The following LGSN variants were observed in gnomAD, a reference collection of about 807,000 sequenced individuals.
The protein encoded by LGSN is lengsin.
In LGSN, 21 loss-of-function variants were observed where a neutral mutation model predicts 19.5. The observed-to-expected ratio is 1.07, with a 90% CI of 0.76 to 1.55. The LOEUF (loss-of-function observed/expected upper bound fraction) is 1.55. LGSN is among the 40% of genes most tolerant of loss of function. The pLI, the probability that LGSN is intolerant of heterozygous loss-of-function variation, is 0.00. For synonymous variants in LGSN, 257 were observed against 215.6 expected, an observed-to-expected ratio of 1.19 and a Z score of -1.68; for missense variants, 673 against 608.5, an observed-to-expected ratio of 1.11 and a Z score of -1.12.
chr6:63,458,000 A>G, the LGSN span, among the ~76,000 whole-genome samples: 1 of 152,130 alleles, frequency 6.6e-6, no homozygotes, highest in Non-Finnish European at 1.5e-5. Flanking sequence ...TAGTAGCACA[A>G]GGTCAAGCTA....
At chr6:63,387,818 C>G in the LGSN span, among the ~76,000 whole-genome samples, 1 of 152,104 alleles carries the variant, frequency 6.6e-6, no homozygotes, top group Admixed American at 6.5e-5. Flanking sequence ...TCCTGAGTAG[C>G]TAGATCTACA....
At chr6:63,450,079 G>T in the LGSN span, among the ~76,000 whole-genome samples, 5 of 151,794 alleles carry the variant, frequency 3.3e-5, no homozygotes, top group African/African-American at 1.2e-4. Context: ...AGGCATGGTG[G>T]CTCACGCCTG....
the LGSN span, among the ~76,000 whole-genome samples, chr6:63,484,417 A>G: frequency 6.6e-6 from 1 of 152,114 alleles, no homozygotes; most frequent in Non-Finnish European, 1.5e-5. Context: ...CCAGCTACTC[A>G]GGAGACTGAG....
the LGSN span, among the ~76,000 whole-genome samples, chr6:63,367,956 G>C: frequency 2.6e-5 from 4 of 151,854 alleles, no homozygotes; most frequent in Admixed American, 2.6e-4. Context: ...TGGGGGAAGG[G>C]GGGAGGGATA....
the LGSN span, among the ~76,000 whole-genome samples, chr6:63,497,344 T>A: frequency 6.6e-6 from 1 of 151,754 alleles, no homozygotes; most frequent in Non-Finnish European, 1.5e-5. Flanking sequence ...AGGCCAGGAG[T>A]TCGAGACCAG....
chr6:63,304,636 G>A (rs1768309681), intron 1 of LGSN, among the ~76,000 whole-genome samples: 1 of 152,092 alleles, frequency 6.6e-6, no homozygotes, highest in Non-Finnish European at 1.5e-5. Flanking sequence ...TGATTAATAG[G>A]AACTAATAGG....
the LGSN span, among the ~76,000 whole-genome samples, chr6:63,461,243 G>A: frequency 6.6e-6 from 1 of 152,138 alleles, no homozygotes; most frequent in Non-Finnish European, 1.5e-5. Context: ...TAGAGATGGG[G>A]GTTTCACCGT....
At chr6:63,420,673 A>G in the LGSN span, among the ~76,000 whole-genome samples, 1 of 152,242 alleles carries the variant, frequency 6.6e-6, no homozygotes, top group Non-Finnish European at 1.5e-5. Context: ...CAATTAAAAC[A>G]TAAGTTTAAA....
the LGSN span, among the ~76,000 whole-genome samples, chr6:63,424,035 G>C: frequency 6.6e-6 from 1 of 152,020 alleles, no homozygotes; most frequent in Non-Finnish European, 1.5e-5. Flanking sequence ...GCAAAACTCT[G>C]TCTCAAAAGC....
the LGSN span, among the ~76,000 whole-genome samples, chr6:63,570,687 G>T: frequency 6.6e-6 from 1 of 152,178 alleles, no homozygotes; most frequent in Non-Finnish European, 1.5e-5. Flanking sequence ...ACATGAAAAA[G>T]TTTCACTATT....
In LGSN at chr6:63,315,530, G is replaced by A. The variant is rs6939127; in HGVS notation, c.30+4384C>T. On this transcript the variant is annotated intron_variant, in intron 1 of 3. Transcript: ENST00000370657. ...CCTCAATATCAGGCCTTTTCACCAC[G>A]GTTATGATTACCCCACTTAAGATAC... Among the ~76,000 whole-genome samples, 485 of 151,350 alleles carry A rather than the reference G, an allele frequency of 3.2e-3. 3 individuals are homozygous for A. The highest frequency in any genetic ancestry group is 0.011 in the African/African-American group (444 of 41,198).
At chr6:63,541,633 C>A in the LGSN span, among the ~76,000 whole-genome samples, 86 of 152,264 alleles carry the variant, frequency 5.6e-4, no homozygotes, top group African/African-American at 2.0e-3. Context: ...TTGCATTCAT[C>A]TATCACCCCT....
chr6:63,373,703 T>C, the LGSN span, among the ~76,000 whole-genome samples: 1 of 152,140 alleles, frequency 6.6e-6, no homozygotes, highest in African/African-American at 2.4e-5. Context: ...CAGGGAGTGG[T>C]GGCTCATGCC....
At chr6:63,325,103 CAAAAAAAAA>C in the LGSN span, among the ~76,000 whole-genome samples, 2 of 65,260 alleles carry the variant, frequency 3.1e-5, no homozygotes, top group African/African-American at 1.1e-4. Flanking sequence ...AACTCTGTCT[CAAAAAAAAA>C]AAAAAAAAAA....
chr6:63,329,434 A>G, the LGSN span, among the ~76,000 whole-genome samples: 1 of 152,186 alleles, frequency 6.6e-6, no homozygotes, highest in Admixed American at 6.5e-5. Context: ...TGAGTCTAAG[A>G]TCTTGCACTA....
At chr6:63,432,179 GAAAGA>G in the LGSN span, among the ~76,000 whole-genome samples, 4,460 of 113,608 alleles carry the variant, frequency 0.039, 306 homozygotes, top group South Asian at 0.054. Flanking sequence ...GAAAAGGAAA[GAAAGA>G]AAAGAAAAGA....
the LGSN span, among the ~76,000 whole-genome samples, chr6:63,541,033 G>T: frequency 6.7e-6 from 1 of 149,562 alleles, no homozygotes; most frequent in South Asian, 2.1e-4. Context: ...AAGAAAGGAA[G>T]GAAGGAAGGA....
At chr6:63,559,513 G>A in the LGSN span, among the ~76,000 whole-genome samples, 4 of 152,260 alleles carry the variant, frequency 2.6e-5, no homozygotes, top group South Asian at 2.1e-4. Context: ...TTGGGAGGCC[G>A]AGGTGGGCGG....
At chr6:63,482,588 G>A in the LGSN span, among the ~76,000 whole-genome samples, 6 of 152,154 alleles carry the variant, frequency 3.9e-5, no homozygotes. Flanking sequence ...AATCAGCCAG[G>A]CATGGTGGTG....
Sources: allele counts gnomAD v4.1 joint callset (sites outside exome capture counted in the v4.1 genomes callset), GRCh38; gene constraint gnomAD v4.1.1; transcripts MANE v1.5; gene names NCBI Gene and HGNC (gene_info 2026-07-23, HGNC 2026-07-21).